The following ECHDC3 variants were observed in gnomAD, a reference collection of about 807,000 sequenced individuals.
The protein encoded by ECHDC3 is enoyl-CoA hydratase domain containing 3.
A neutral mutation model predicts 17.9 loss-of-function variants in ECHDC3; 20 were observed. That is an observed-to-expected ratio of 1.12 (90% CI 0.79 to 1.63). The LOEUF is 1.63. ECHDC3 is among the 40% of genes most tolerant of loss of function. The probability of loss-of-function intolerance (pLI) is 0.00; values close to 1 mark genes in which losing one functional copy is unlikely to be tolerated. For synonymous variants in ECHDC3, 177 were observed against 149.7 expected (o/e 1.18, Z -1.33); for missense variants, 407 against 357.7 (o/e 1.14, Z -1.11).
At chr10:11,755,323 CAAAAAAAA>C (rs35696123) in intron 3 of ECHDC3, 77 bp from the exon 4 acceptor site, 55 of 784,214 alleles carry the variant, frequency 7.0e-5, no homozygotes, top group South Asian at 1.2e-4. Context: ...GAGACTCTGT[CAAAAAAAA>C]AAAAAAAAAA....
chr10:11,758,930 A>G (rs1832915229), intron 4 of ECHDC3, among the ~76,000 whole-genome samples: 1 of 152,212 alleles, frequency 6.6e-6, no homozygotes, highest in African/African-American at 2.4e-5. Context: ...TGTGGTCTCA[A>G]TGCTGTGTCC....
chr10:11,761,769 C>T (rs180805921), intron 4 of ECHDC3, among the ~76,000 whole-genome samples: 1 of 152,376 alleles, frequency 6.6e-6, no homozygotes, highest in Non-Finnish European at 1.5e-5. Context: ...TGTATCACCT[C>T]CTTGCCCTTG....
rs746455821 is a variant in ECHDC3 at position 11,763,473 on chromosome 10, C to A, written c.841C>A (p.Arg281=). The change falls in exon 5 of 5, where the codon CGG becomes AGG. Residue 281 remains arginine (R), a synonymous_variant. Transcript: ENST00000379215. The surrounding 1 kb of genome is among the most constrained non-coding windows in gnomAD (Gnocchi z 4.9). ...SQAMVDNLAL[R]DGQEGITAFL... is the part of the protein sequence containing the mutation. The stretch of plus-strand genomic sequence containing the variant: ...GGCCATGGTGGACAACCTGGCCCTG[C>A]GGGACGGGCAGGAGGGCATCACGGC... The A allele has an allele frequency of 2.8e-6, 3 of 1,077,258 alleles. No homozygotes were observed. The highest frequency in any genetic ancestry group is 4.3e-6 in the Non-Finnish European group (3 of 703,504). 66.7% of individuals were successfully genotyped at this position (1,077,258 alleles called of 1,614,324 possible).
At chr10:11,755,725 T>A in intron 4 of ECHDC3, 117 bp downstream of exon 4, 1 of 987,286 alleles carries the variant, frequency 1.0e-6, no homozygotes, top group Non-Finnish European at 1.5e-6. Flanking sequence ...CAGGACGTTC[T>A]GCCCAGAGTG....
chr10:11,759,412 C>G (rs907966635), intron 4 of ECHDC3, among the ~76,000 whole-genome samples: 6 of 151,920 alleles, frequency 3.9e-5, no homozygotes, highest in South Asian at 4.2e-4. Flanking sequence ...TGCCTTACCC[C>G]CTTTTTCTCC....
At position 11,761,942 on chromosome 10, in the gene ECHDC3, A is replaced by T. The variant is rs567054212; in HGVS notation, c.592-1282A>T. 1.4e-4 allele frequency among the ~76,000 whole-genome samples: 21 copies of T among 149,784 alleles called. No individual in the cohort carries two copies. In the South Asian group the frequency reaches 3.5e-3, roughly 25 times the overall value. Reference sequence around the variant, plus strand: ...GAGATACAGAAATCAACAGAAGACTAAAAAAAATGGCCAGGCATGGTGGCT... The same window carrying T: ...GAGATACAGAAATCAACAGAAGACTTAAAAAAATGGCCAGGCATGGTGGCT... On this transcript the variant is annotated intron_variant, in intron 4 of 4. Transcript: ENST00000379215.
intron 3 of ECHDC3, chr10:11,752,326 G>C (rs1832835683): frequency 7.2e-6 from 1 of 138,584 alleles, no homozygotes; most frequent in Non-Finnish European, 1.5e-5. Context: ...CACCATGTTG[G>C]CCAGGCTGGT....
chr10:11,747,210 C>A, intron 1 of ECHDC3, 139 bp from the exon 2 acceptor site: 2 of 1,075,898 alleles, frequency 1.9e-6, no homozygotes, highest in Non-Finnish European at 2.5e-6. Flanking sequence ...AGTTGACAGA[C>A]CCTCTAAATT....
Position 11,763,629 on chromosome 10 carries a change from AACAGGTG to A in ECHDC3, c.*91_*97del, listed in dbSNP as rs1832980356. On this transcript the variant is annotated 3_prime_UTR_variant, in exon 5 of 5. Transcript: ENST00000379215. This position sits in a 1 kb window ranked among gnomAD's most constrained non-coding sequence, Gnocchi z 4.9. ...CCAGCCACCACTGCCTCTCAGCTTC[AACAGGTG>A]ACAGGCTGCTTTCGTGACTTGATAT... The A allele has an allele frequency of 2.1e-6, 3 of 1,435,734 alleles. No individual in the cohort carries two copies. The highest frequency in any genetic ancestry group is 1.4e-5 in the African/African-American group (1 of 69,908). The allele number at this position is 1,435,734 out of a possible 1,614,324, so 88.9% of individuals were successfully genotyped here. A position where few individuals can be genotyped will look rare whatever the true frequency, so the allele number is the denominator to read the frequency against.
chr10:11,758,502 T>C (rs1270859033), intron 4 of ECHDC3, among the ~76,000 whole-genome samples: 1 of 152,236 alleles, frequency 6.6e-6, no homozygotes, highest in African/African-American at 2.4e-5. Flanking sequence ...TAAAGCCCGC[T>C]GCTCAAACTG....
intron 2 of ECHDC3, 147 bp downstream of exon 2, chr10:11,747,617 A>G (rs1043596458): frequency 1.0e-6 from 1 of 996,676 alleles, no homozygotes; most frequent in African/African-American, 1.6e-5. Flanking sequence ...ACACCTGTGT[A>G]GTTGGTGGTT....
At chr10:11,753,186 A>C (rs565009746) in intron 3 of ECHDC3, among the ~76,000 whole-genome samples, 1 of 151,118 alleles carries the variant, frequency 6.6e-6, no homozygotes, top group African/African-American at 2.4e-5. Flanking sequence ...TTTGAGACCA[A>C]CCTGGCCAAC....
At chr10:11,758,116 C>T (rs752794866) in intron 4 of ECHDC3, among the ~76,000 whole-genome samples, 37 of 152,156 alleles carry the variant, frequency 2.4e-4, no homozygotes, top group Non-Finnish European at 3.7e-4. Context: ...TCCTGGCCGC[C>T]GCAGGGACCT....
chr10:11,764,051 AAATT>A lies in ECHDC3; in HGVS notation c.*510_*513del. ...TTGAATAATCTTATGTGATTTAAAT[AAATT>A]AAATCTTTATAGAGACTGGTATGTT... On this transcript the variant is annotated 3_prime_UTR_variant, in exon 5 of 5. Coordinates refer to ENST00000379215, the MANE Select transcript of ECHDC3 (RefSeq NM_024693.5). The A allele has an allele frequency of 1.3e-6, 1 of 748,472 alleles. No homozygotes were observed. The highest frequency in any genetic ancestry group is 1.3e-4 in the East Asian group (1 of 7,680). 46.4% of individuals were successfully genotyped at this position (748,472 alleles called of 1,614,324 possible). A position where few individuals can be genotyped will look rare whatever the true frequency, so the allele number is the denominator to read the frequency against.
chr10:11,751,852 T>C (rs17150812), intron 3 of ECHDC3, among the ~76,000 whole-genome samples: 9,822 of 152,226 alleles, frequency 0.065, 429 homozygotes, highest in East Asian at 0.22. Context: ...TCATACCCCG[T>C]CAATCAAATG....
chr10:11,747,162 C>A (rs1010684908), intron 1 of ECHDC3, 187 bp from the exon 2 acceptor site: 151 of 574,662 alleles, frequency 2.6e-4, no homozygotes, highest in Non-Finnish European at 4.0e-4. Flanking sequence ...CATTTCAGGT[C>A]GCCTTTTTCT....
Position 11,755,527 on chromosome 10 carries a change from C to A in ECHDC3, c.510C>A (p.Ser170=). Residue 170 remains serine, a synonymous_variant, in exon 4 of 5, where the codon TCC becomes TCA. Coordinates refer to ENST00000379215, the MANE Select transcript of ECHDC3 (RefSeq NM_024693.5). ...SCDIAVASDK[S]SFATPGVNVG... ...ACATTGCCGTGGCGAGCGACAAGTC[C>A]TCTTTTGCCACTCCTGGGGTGAACG... 3 of 1,614,130 alleles carry A rather than the reference C, an allele frequency of 1.9e-6. No individual in the cohort carries two copies. The South Asian group carries it at 3.3e-5, about 18-fold the overall frequency.
At chr10:11,743,120 A>G (rs1832715779) in intron 1 of ECHDC3, among the ~76,000 whole-genome samples, 1 of 152,202 alleles carries the variant, frequency 6.6e-6, no homozygotes, top group Admixed American at 6.5e-5. Flanking sequence ...GACAGTAAAT[A>G]GGACAAAGTG....
At position 11,763,770 on chromosome 10, in the gene ECHDC3, G is replaced by T; in HGVS notation, c.*226G>T. ...CAGTGCAAGGCTGGTGAACCCTGCA[G>T]CGGGCCAGCTATGGTGGGAAGCCTG... On this transcript the variant is annotated 3_prime_UTR_variant, in exon 5 of 5. Transcript: ENST00000379215. The surrounding 1 kb of genome is among the most constrained non-coding windows in gnomAD (Gnocchi z 4.9). The T allele has an allele frequency of 7.5e-7, 1 of 1,331,260 alleles. No homozygotes were observed. The highest frequency in any genetic ancestry group is 9.6e-7 in the Non-Finnish European group (1 of 1,042,054). 82.5% of individuals were successfully genotyped at this position (1,331,260 alleles called of 1,614,324 possible).
Sources: allele counts gnomAD v4.1 joint callset (sites outside exome capture counted in the v4.1 genomes callset), GRCh38; gene constraint gnomAD v4.1.1; non-coding constraint Gnocchi (gnomAD v3.1); transcripts MANE v1.5; gene names NCBI Gene and HGNC (gene_info 2026-07-23, HGNC 2026-07-21).